DLGAP2: variants seen among roughly 807,000 people sequenced by gnomAD.
DLGAP2 encodes disks large-associated protein 2.
A neutral mutation model predicts 100.3 loss-of-function variants in DLGAP2; 26 were observed. The ratio of observed to expected loss-of-function variants is 0.26; its 90% CI spans 0.19 to 0.36. The LOEUF (loss-of-function observed/expected upper bound fraction) is 0.36. Among genes scored for constraint, DLGAP2 ranks in the 10% least tolerant of loss-of-function variants. The pLI is 1.00. For missense variants in DLGAP2, 1,858 were observed against 1,453.2 expected (o/e 1.28, Z -4.53); for synonymous variants, 886 against 630.1 (o/e 1.41, Z -6.08).
intron 2 of DLGAP2, among the ~76,000 whole-genome samples, chr8:1,126,263 G>C (rs1056444940): frequency 6.6e-6 from 1 of 152,126 alleles, no homozygotes; most frequent in African/African-American, 2.4e-5. Context: ...TTTTTAAGTA[G>C]GTAGGTCCTT....
intron 2 of DLGAP2, among the ~76,000 whole-genome samples, chr8:1,182,845 C>T (rs902013950): frequency 2.0e-5 from 3 of 152,318 alleles, no homozygotes; most frequent in South Asian, 2.1e-4. Context: ...GGACGGACTC[C>T]GCAGCCTGTG....
chr8:1,241,823 A>G (rs1585182999), intron 2 of DLGAP2, among the ~76,000 whole-genome samples: 1 of 152,180 alleles, frequency 6.6e-6, no homozygotes, highest in South Asian at 2.1e-4. Flanking sequence ...GGACACTCTT[A>G]AATCTTATGA....
intron 2 of DLGAP2, among the ~76,000 whole-genome samples, chr8:1,253,859 G>C (rs1309867800): frequency 6.6e-6 from 1 of 152,214 alleles, no homozygotes; most frequent in Non-Finnish European, 1.5e-5. Context: ...TCATTGAAAG[G>C]GTCCGTGCTG....
At chr8:943,453 A>G (rs11137112) in intron 2 of DLGAP2, among the ~76,000 whole-genome samples, 22,162 of 152,298 alleles carry the variant, frequency 0.15, 1,776 homozygotes, top group East Asian at 0.32. Flanking sequence ...GTGGGAAAGT[A>G]GAGCTCCGGT....
At chr8:1,488,651 G>A (rs1799291296) in intron 3 of DLGAP2, among the ~76,000 whole-genome samples, 1 of 152,206 alleles carries the variant, frequency 6.6e-6, no homozygotes, top group Non-Finnish European at 1.5e-5. Context: ...AGAAATTGAG[G>A]ATGCAGGTTC....
At chr8:964,201 G>A (rs745921912) in intron 2 of DLGAP2, among the ~76,000 whole-genome samples, 3 of 152,100 alleles carry the variant, frequency 2.0e-5, no homozygotes, top group Non-Finnish European at 2.9e-5. Context: ...CCTATCTGAC[G>A]TCTTCAGGGA....
At chr8:1,065,094 T>G (rs1390777632) in intron 2 of DLGAP2, among the ~76,000 whole-genome samples, 2 of 152,148 alleles carry the variant, frequency 1.3e-5, no homozygotes, top group African/African-American at 4.8e-5. Flanking sequence ...AAAATATGTC[T>G]CCACGCACCA....
At chr8:1,023,857 A>ATGTGTGTGTGTGTGTGTGTG (rs149206104) in intron 2 of DLGAP2, among the ~76,000 whole-genome samples, 4,217 of 128,836 alleles carry the variant, frequency 0.033, 179 homozygotes, top group East Asian at 0.069. Context: ...AACTTTATAT[A>ATGTGTGTGTGTGTGTGTGTG]TGTGTGTGTG....
At chr8:1,245,979 C>T (rs867075745) in intron 2 of DLGAP2, among the ~76,000 whole-genome samples, 1 of 152,094 alleles carries the variant, frequency 6.6e-6, no homozygotes, top group Non-Finnish European at 1.5e-5. Context: ...TTAGGAAATG[C>T]ATCTATTGAG....
intron 3 of DLGAP2, among the ~76,000 whole-genome samples, chr8:1,281,522 C>T (rs893267527): frequency 6.6e-6 from 1 of 152,208 alleles, no homozygotes; most frequent in African/African-American, 2.4e-5. Flanking sequence ...GCCCTGGACT[C>T]CCTGATGTCT....
intron 6 of DLGAP2, among the ~76,000 whole-genome samples, chr8:1,614,012 A>T (rs944034694): frequency 1.3e-5 from 2 of 152,160 alleles, no homozygotes; most frequent in Admixed American, 1.3e-4. Context: ...CAGGTCTCAG[A>T]CTCGGCGGGG....
chr8:1,313,460 C>T (rs1800658143), intron 3 of DLGAP2, among the ~76,000 whole-genome samples: 1 of 152,096 alleles, frequency 6.6e-6, no homozygotes, highest in African/African-American at 2.4e-5. Context: ...CCCCTATACT[C>T]CCCCCCTTAA....
At chr8:908,885 C>G (rs948194728) in intron 2 of DLGAP2, among the ~76,000 whole-genome samples, 2 of 152,150 alleles carry the variant, frequency 1.3e-5, no homozygotes, top group African/African-American at 4.8e-5. Flanking sequence ...CTAGCTATAA[C>G]AAGGTAATTA....
At chr8:1,196,104 T>C (rs1797744073) in intron 2 of DLGAP2, among the ~76,000 whole-genome samples, 1 of 152,212 alleles carries the variant, frequency 6.6e-6, no homozygotes, top group Non-Finnish European at 1.5e-5. Flanking sequence ...ATCACCGATA[T>C]CCAGGGCCCC....
chr8:1,190,522 C>G (rs892162178), intron 2 of DLGAP2, among the ~76,000 whole-genome samples: 3 of 152,128 alleles, frequency 2.0e-5, no homozygotes, highest in Admixed American at 2.0e-4. Flanking sequence ...GCACCCGTCC[C>G]GTTCGACGCC....
chr8:839,283 A>G (rs1312085179), intron 1 of DLGAP2, among the ~76,000 whole-genome samples: 1 of 152,246 alleles, frequency 6.6e-6, no homozygotes, highest in Non-Finnish European at 1.5e-5. Flanking sequence ...CTGCATTCCT[A>G]TGTTCACTGC....
intron 2 of DLGAP2, among the ~76,000 whole-genome samples, chr8:1,216,967 A>G (rs915799647): frequency 6.6e-6 from 1 of 151,986 alleles, no homozygotes; most frequent in East Asian, 1.9e-4. Context: ...TTTTTCTTCA[A>G]CTTTTACCTT....
chr8:1,038,061 C>T (rs932382236), intron 2 of DLGAP2, among the ~76,000 whole-genome samples: 3 of 152,152 alleles, frequency 2.0e-5, no homozygotes, highest in Non-Finnish European at 4.4e-5. Flanking sequence ...ACCCCTTTGT[C>T]GTTGGTGTCC....
chr8:1,176,164 T>G (rs1797249745), intron 2 of DLGAP2, among the ~76,000 whole-genome samples: 1 of 152,058 alleles, frequency 6.6e-6, no homozygotes, highest in Admixed American at 6.6e-5. Flanking sequence ...TGGTGGAAGA[T>G]GAAGGGGAAG....
Sources: allele counts gnomAD v4.1 joint callset (sites outside exome capture counted in the v4.1 genomes callset), GRCh38; gene constraint gnomAD v4.1.1; transcripts MANE v1.5; gene names NCBI Gene and HGNC (gene_info 2026-07-23, HGNC 2026-07-21).